Variants in USP42 observed in about 807,000 individuals in gnomAD.
The protein encoded by USP42 is ubiquitin specific peptidase 42.
Under a neutral mutation model 113.0 loss-of-function variants are expected in USP42, and 23 were observed. That is an observed-to-expected ratio of 0.20 (90% CI 0.15 to 0.29). USP42 has a LOEUF of 0.29. Among genes scored for constraint, USP42 ranks in the 10% least tolerant of loss-of-function variants. The pLI is 1.00. For missense variants in USP42, 2,174 were observed against 1,779.8 expected, an observed-to-expected ratio of 1.22 and a Z score of -3.99; for synonymous variants, 933 against 699.0, an observed-to-expected ratio of 1.33 and a Z score of -5.28.
chr7:6,098,183 G>A, the USP42 span, among the ~76,000 whole-genome samples: 6 of 149,704 alleles, frequency 4.0e-5, no homozygotes, highest in Admixed American at 3.3e-4. Flanking sequence ...GATTACAGGC[G>A]TGAGCCACCG....
Position 6,157,670 on chromosome 7 carries a change from C to T in USP42, c.3943+615C>T, listed in dbSNP as rs145768136. On this transcript the variant is annotated intron_variant, in intron 16 of 17. Coordinates refer to ENST00000306177, the MANE Select transcript of USP42 (RefSeq NM_032172.3). This position sits in a 1 kb window ranked among gnomAD's most constrained non-coding sequence, Gnocchi z 4.1. ...GATAGAAATACTTTTGCAGCGTATA[C>T]GTTACTCTCCCGAATCCTTAAACCT... 3.7e-4 allele frequency among the ~76,000 whole-genome samples: 57 copies of T among 152,312 alleles called. No homozygotes were observed. Among genetic ancestry groups the T allele is most frequent in the African/African-American group, 1.1e-3 (46 of 41,558 alleles).
At chr7:6,107,754 G>A (rs1779373509) in intron 1 of USP42, among the ~76,000 whole-genome samples, 1 of 151,754 alleles carries the variant, frequency 6.6e-6, no homozygotes, top group Non-Finnish European at 1.5e-5. Context: ...TCCCCACACT[G>A]TTTCATAATT....
Position 6,154,779 on chromosome 7 carries a change from G to A in USP42, c.3225G>A (p.Lys1075=). ...CCCTGTACGCTGCCCGGGACTGGAA[G>A]CCCTTCCACGGCGGCCGCGAGCACG... is the stretch of plus-strand genomic sequence containing the variant. ...RYALYAARDW[K]PFHGGREHER... The change falls in exon 15 of 18, where the codon AAG becomes AAA. Residue 1075 remains lysine, a synonymous_variant. Transcript: ENST00000306177. The A allele has an allele frequency of 6.4e-7, 1 of 1,551,556 alleles. No individual in the cohort carries two copies.
the USP42 span, among the ~76,000 whole-genome samples, chr7:6,097,563 C>T: frequency 3.3e-5 from 5 of 150,346 alleles, no homozygotes; most frequent in African/African-American, 1.0e-4. Flanking sequence ...TAAGCCACTG[C>T]GCCCAGCCAT....
the USP42 span, among the ~76,000 whole-genome samples, chr7:6,099,669 T>G: frequency 6.7e-6 from 1 of 150,226 alleles, no homozygotes; most frequent in Non-Finnish European, 1.5e-5. Context: ...CTTTAAAGGA[T>G]CTGTTATTAC....
At chr7:6,084,262 G>T in the USP42 span, among the ~76,000 whole-genome samples, 444 of 151,306 alleles carry the variant, frequency 2.9e-3, 31 homozygotes, top group African/African-American at 0.011. Flanking sequence ...CTTGACCTCA[G>T]GAGATCTGCC....
chr7:6,104,713 G>A (rs1191902478), upstream of USP42, among the ~76,000 whole-genome samples: 1 of 152,170 alleles, frequency 6.6e-6, no homozygotes, highest in South Asian at 2.1e-4. Context: ...CCCTCTGCCG[G>A]CCCGACCGGC....
intron 4 of USP42, 65 bp downstream of exon 4, chr7:6,136,016 T>G: frequency 8.8e-7 from 1 of 1,137,774 alleles, no homozygotes; most frequent in Non-Finnish European, 1.2e-6. Context: ...TTTTTTTTTT[T>G]TTTTTCGAGA....
At chr7:6,092,053 C>CTTT in the USP42 span, among the ~76,000 whole-genome samples, 9 of 41,756 alleles carry the variant, frequency 2.2e-4, 1 homozygote, top group Middle Eastern at 0.014. Flanking sequence ...TCTTCTTCTT[C>CTTT]TTTCTTCTTC....
At chr7:6,120,290 T>A (rs189617225) in intron 3 of USP42, among the ~76,000 whole-genome samples, 2 of 151,886 alleles carry the variant, frequency 1.3e-5, no homozygotes, top group Admixed American at 1.3e-4. Context: ...TCACTCCAGG[T>A]AGAGTGCAGT....
At position 6,154,568 on chromosome 7, in the gene USP42, G is replaced by A. The variant is rs1330171051; in HGVS notation, c.3014G>A (p.Arg1005Lys). Residue 1005 changes from arginine (R) to lysine (K), a missense_variant, in exon 15 of 18, where the codon AGG becomes AAG. Coordinates refer to ENST00000306177, the MANE Select transcript of USP42 (RefSeq NM_032172.3). ...GAGCACCACCCCGGCCACGGCGACA[G>A]GCTCAGCCCTGGCGAGCGCCGCTCT... ...APEHHPGHGD[R>K]LSPGERRSLG... The A allele has an allele frequency of 1.3e-6, 2 of 1,557,240 alleles. No individual in the cohort carries two copies. Among genetic ancestry groups the A allele is most frequent in the Non-Finnish European group, 1.7e-6 (2 of 1,153,386 alleles).
chr7:6,160,023 G>A (rs1396711998), intron 17 of USP42, among the ~76,000 whole-genome samples: 1 of 152,264 alleles, frequency 6.6e-6, no homozygotes. Context: ...GGACCTCGGA[G>A]CTGTGGGGCT....
chr7:6,104,594 A>C (rs917959093), upstream of USP42, among the ~76,000 whole-genome samples: 2 of 152,164 alleles, frequency 1.3e-5, no homozygotes, highest in African/African-American at 4.8e-5. Flanking sequence ...GAAAGCCCAA[A>C]GTCCTACGCC....
At chr7:6,111,512 G>T in intron 2 of USP42, 138 bp downstream of exon 2, 1 of 1,015,508 alleles carries the variant, frequency 9.8e-7, no homozygotes. Flanking sequence ...TTACTTGATG[G>T]GCTTTGTTTT....
intron 3 of USP42, 43 bp from the exon 4 acceptor site, chr7:6,135,798 G>A: frequency 7.9e-7 from 1 of 1,269,550 alleles, no homozygotes; most frequent in Non-Finnish European, 1.1e-6. Flanking sequence ...GTGTGTATAT[G>A]GTTGTATTTT....
chr7:6,115,625 T>A, intron 3 of USP42, 102 bp downstream of exon 3: 1 of 1,375,688 alleles, frequency 7.3e-7, no homozygotes, highest in Non-Finnish European at 1.0e-6. Context: ...GTGCTATGAT[T>A]ACTAAGAAGT....
rs1782603773 is a variant in USP42 at position 6,158,707 on chromosome 7, T to C, written c.3944-743T>C. Among the ~76,000 whole-genome samples, 1 of 152,170 alleles carries C rather than the reference T, an allele frequency of 6.6e-6. No homozygotes were observed. The highest frequency in any genetic ancestry group is 1.5e-5 in the Non-Finnish European group (1 of 68,020). ...CGTTCTGGACATTTCAGAATTGGTTTTGCGTTCCCATTTCAGCGAATCGGG... is the reference window on the plus strand; with the variant it reads ...CGTTCTGGACATTTCAGAATTGGTTCTGCGTTCCCATTTCAGCGAATCGGG... On this transcript the variant is annotated intron_variant, in intron 16 of 17. Transcript: ENST00000306177. This position sits in a 1 kb window ranked among gnomAD's most constrained non-coding sequence, Gnocchi z 4.2.
At chr7:6,085,032 T>C in the USP42 span, 1 of 151,244 alleles carries the variant, frequency 6.6e-6, no homozygotes, top group Non-Finnish European at 1.5e-5. Context: ...GACTCTTAAG[T>C]GTAACTGATC....
intron 12 of USP42, among the ~76,000 whole-genome samples, chr7:6,148,787 A>G (rs148697880): frequency 1.8e-3 from 281 of 152,302 alleles, no homozygotes; most frequent in African/African-American, 6.4e-3. Context: ...CAGGCAGTAT[A>G]TTTGAGGTAT....
Sources: allele counts gnomAD v4.1 joint callset (sites outside exome capture counted in the v4.1 genomes callset), GRCh38; gene constraint gnomAD v4.1.1; non-coding constraint Gnocchi (gnomAD v3.1); transcripts MANE v1.5; gene names NCBI Gene and HGNC (gene_info 2026-07-23, HGNC 2026-07-21).